The following SH3PXD2A variants were observed in gnomAD, a reference collection of about 807,000 sequenced individuals.
SH3PXD2A encodes SH3 and PX domain-containing protein 2A.
A neutral mutation model predicts 115.2 loss-of-function variants in SH3PXD2A; 32 were observed. The ratio of observed to expected loss-of-function variants is 0.28; its 90% CI spans 0.21 to 0.37. The LOEUF (loss-of-function observed/expected upper bound fraction) is 0.37, where lower values mean the gene tolerates loss of function less well. Among genes scored for constraint, SH3PXD2A ranks in the 10% least tolerant of loss-of-function variants. The probability of loss-of-function intolerance (pLI) is 1.00; values close to 1 mark genes in which losing one functional copy is unlikely to be tolerated. For missense variants in SH3PXD2A, 1,328 were observed against 1,498.7 expected, an observed-to-expected ratio of 0.89 and a Z score of 1.88; for synonymous variants, 610 against 629.1, an observed-to-expected ratio of 0.97 and a Z score of 0.45.
Position 103,603,756 on chromosome 10 carries a change from C to G in SH3PXD2A, c.1462G>C (p.Val488Leu). The G allele has an allele frequency of 6.2e-7, 1 of 1,610,466 alleles. No individual in the cohort carries two copies. Among genetic ancestry groups the G allele is most frequent in the Non-Finnish European group, 8.5e-7 (1 of 1,179,900 alleles). The change falls in exon 15 of 15, where the codon GTG (valine) becomes CTG (leucine). Residue 488 changes from valine to leucine, a missense_variant. Physicochemically the swap from Val to Leu is conservative, Grantham distance 32 (BLOSUM62 1). Transcript: ENST00000369774. ...IDKNSGGWWY[V>L]QIGEKEGWAP... ...CAGCCCTCCTTCTCACCGATCTGCA[C>G]GTACCACCAGCCACCTGAGTTCTTA...
chr10:103,828,780 T>C (rs1443777743), intron 1 of SH3PXD2A, among the ~76,000 whole-genome samples: 1 of 152,248 alleles, frequency 6.6e-6, no homozygotes, highest in African/African-American at 2.4e-5. Flanking sequence ...AGACTGTTTG[T>C]GTTCTGTACT....
intron 3 of SH3PXD2A, among the ~76,000 whole-genome samples, chr10:103,752,536 G>A (rs1484701373): frequency 6.6e-6 from 1 of 152,156 alleles, no homozygotes; most frequent in Non-Finnish European, 1.5e-5. Flanking sequence ...CCTAATGTTG[G>A]AGAAACTGCT....
chr10:103,615,272 C>T (rs948652657), intron 11 of SH3PXD2A, among the ~76,000 whole-genome samples: 2 of 152,136 alleles, frequency 1.3e-5, no homozygotes, highest in Non-Finnish European at 2.9e-5. Context: ...ATGGAGGTGA[C>T]GGTCAGGCCT....
chr10:103,636,281 C>T (rs1292785959), intron 8 of SH3PXD2A, among the ~76,000 whole-genome samples: 2 of 151,850 alleles, frequency 1.3e-5, no homozygotes, highest in Non-Finnish European at 2.9e-5. Flanking sequence ...TGGTGGCGGG[C>T]GCCTGTAGTC....
Position 103,757,000 on chromosome 10 carries a change from A to G in SH3PXD2A, c.229+10094T>C, listed in dbSNP as rs2038648832. Among the ~76,000 whole-genome samples, 1 of 151,790 alleles carries G rather than the reference A, an allele frequency of 6.6e-6. No individual in the cohort carries two copies. The highest frequency in any genetic ancestry group is 1.5e-5 in the Non-Finnish European group (1 of 67,970). ...CCCACTTGCCCTCTCACCTCTATCAACCCTGGTCTCAGTAACCATCCAGTC... is the reference window on the plus strand; with the variant it reads ...CCCACTTGCCCTCTCACCTCTATCAGCCCTGGTCTCAGTAACCATCCAGTC... On this transcript the variant is annotated intron_variant, in intron 3 of 14. Transcript: ENST00000369774. The surrounding 1 kb of genome is among the most constrained non-coding windows in gnomAD (Gnocchi z 4.4).
intron 1 of SH3PXD2A, among the ~76,000 whole-genome samples, chr10:103,840,962 G>A (rs2039591444): frequency 6.6e-6 from 1 of 152,200 alleles, no homozygotes; most frequent in Non-Finnish European, 1.5e-5. Context: ...AGAGATATCT[G>A]GTTGTCAGGG....
intron 4 of SH3PXD2A, among the ~76,000 whole-genome samples, chr10:103,731,098 G>A (rs1053640758): frequency 6.6e-6 from 1 of 151,834 alleles, no homozygotes; most frequent in Non-Finnish European, 1.5e-5. Context: ...CCCACACAGG[G>A]CCCAGCTGAG....
At chr10:103,826,038 C>T (rs1398117968) in intron 1 of SH3PXD2A, among the ~76,000 whole-genome samples, 3 of 152,180 alleles carry the variant, frequency 2.0e-5, no homozygotes, top group South Asian at 2.1e-4. Context: ...GCTGGGATTA[C>T]AGGCGTGAGC....
intron 12 of SH3PXD2A, 32 bp downstream of exon 12, chr10:103,612,821 A>T (rs537366033): frequency 2.1e-6 from 3 of 1,455,050 alleles, no homozygotes; most frequent in African/African-American, 1.4e-5. Flanking sequence ...GGAGCTTTGC[A>T]GTGAGGACCT....
chr10:103,609,952 T>C (rs2036399935), intron 13 of SH3PXD2A: 1 of 152,256 alleles, frequency 6.6e-6, no homozygotes, highest in African/African-American at 2.4e-5. Context: ...AAAATGGAAC[T>C]AATACCAGCA....
At chr10:103,719,113 T>C (rs1466204789) in intron 5 of SH3PXD2A, among the ~76,000 whole-genome samples, 5 of 152,194 alleles carry the variant, frequency 3.3e-5, no homozygotes, top group Non-Finnish European at 7.3e-5. Flanking sequence ...GAATTTTATT[T>C]CTGTTGTTTA....
intron 4 of SH3PXD2A, among the ~76,000 whole-genome samples, chr10:103,732,279 A>C (rs1283458660): frequency 6.6e-6 from 1 of 152,126 alleles, no homozygotes; most frequent in Non-Finnish European, 1.5e-5. Flanking sequence ...GGTATAGCTT[A>C]CTCTTGTTAG....
chr10:103,723,482 T>G (rs1488876526), intron 5 of SH3PXD2A, among the ~76,000 whole-genome samples: 1 of 152,078 alleles, frequency 6.6e-6, no homozygotes, highest in Non-Finnish European at 1.5e-5. Context: ...GGGTCCTGGG[T>G]GTGAGAAACC....
chr10:103,629,873 C>G (rs1237474356), intron 8 of SH3PXD2A, among the ~76,000 whole-genome samples: 1 of 152,218 alleles, frequency 6.6e-6, no homozygotes, highest in East Asian at 1.9e-4. Flanking sequence ...GCCTGTCCCC[C>G]TGGGGAGAGG....
chr10:103,677,390 C>T (rs1248219282), intron 6 of SH3PXD2A, among the ~76,000 whole-genome samples: 1 of 152,144 alleles, frequency 6.6e-6, no homozygotes, highest in Non-Finnish European at 1.5e-5. Flanking sequence ...GACGGCAGGG[C>T]TGAGTCCTGG....
intron 2 of SH3PXD2A, among the ~76,000 whole-genome samples, chr10:103,778,810 G>GA (rs1564886954): frequency 6.6e-6 from 1 of 152,154 alleles, no homozygotes; most frequent in Non-Finnish European, 1.5e-5. Flanking sequence ...GGCCTTTTGG[G>GA]TTTTTCACCT....
chr10:103,806,417 C>T (rs2039203379), intron 1 of SH3PXD2A, among the ~76,000 whole-genome samples: 1 of 151,990 alleles, frequency 6.6e-6, no homozygotes, highest in South Asian at 2.1e-4. Context: ...ACCTCAACAC[C>T]AGAGCTTCTT....
intron 1 of SH3PXD2A, among the ~76,000 whole-genome samples, chr10:103,850,057 G>A (rs1842882964): frequency 6.6e-6 from 1 of 152,192 alleles, no homozygotes; most frequent in South Asian, 2.1e-4. Flanking sequence ...GGGAACTGCT[G>A]TGCAAACCCA....
chr10:103,612,040 C>T (rs1258564709), intron 12 of SH3PXD2A, among the ~76,000 whole-genome samples: 1 of 152,142 alleles, frequency 6.6e-6, no homozygotes, highest in East Asian at 1.9e-4. Flanking sequence ...TAACTGTTTC[C>T]CAGCTGGTTC....
Sources: allele counts gnomAD v4.1 joint callset (sites outside exome capture counted in the v4.1 genomes callset), GRCh38; gene constraint gnomAD v4.1.1; non-coding constraint Gnocchi (gnomAD v3.1); transcripts MANE v1.5; gene names NCBI Gene and HGNC (gene_info 2026-07-23, HGNC 2026-07-21).